PALM2AKAP2: variants seen among roughly 807,000 people sequenced by gnomAD.
The protein encoded by PALM2AKAP2 is PALM2 and AKAP2 fusion.
In PALM2AKAP2, 37 loss-of-function variants were observed where a neutral mutation model predicts 71.5. That is an observed-to-expected ratio of 0.52 (90% CI 0.40 to 0.68). The LOEUF (loss-of-function observed/expected upper bound fraction) is 0.68. PALM2AKAP2 is among the 30% of genes least tolerant of loss of function. The pLI is 0.00. For synonymous variants in PALM2AKAP2, 468 were observed against 478.8 expected (o/e 0.98, Z 0.29); for missense variants, 1,224 against 1,191.8 (o/e 1.03, Z -0.40).
At chr9:109,904,772 G>A (rs1460976109) in intron 3 of PALM2AKAP2, among the ~76,000 whole-genome samples, 1 of 152,168 alleles carries the variant, frequency 6.6e-6, no homozygotes, top group Non-Finnish European at 1.5e-5. Flanking sequence ...TTATTCTGGA[G>A]CACGATGTAC....
intron 1 of PALM2AKAP2, among the ~76,000 whole-genome samples, chr9:110,111,083 C>CT (rs1835238688): frequency 3.8e-5 from 4 of 104,220 alleles, no homozygotes; most frequent in Non-Finnish European, 8.0e-5. Flanking sequence ...TTCTTTCTTT[C>CT]TTCTTTTTTT....
At chr9:110,147,555 C>T (rs937432266) in intron 2 of PALM2AKAP2, among the ~76,000 whole-genome samples, 4 of 152,172 alleles carry the variant, frequency 2.6e-5, no homozygotes, top group East Asian at 1.9e-4. Context: ...AGAGGCTGAT[C>T]GCTTGAGACC....
At chr9:109,908,922 A>G (rs1830509348) in intron 3 of PALM2AKAP2, among the ~76,000 whole-genome samples, 1 of 152,096 alleles carries the variant, frequency 6.6e-6, no homozygotes, top group African/African-American at 2.4e-5. Context: ...GGGATTTGGA[A>G]GAGAGGAATG....
At chr9:109,677,094 A>G (rs1187605641) in intron 1 of PALM2AKAP2, among the ~76,000 whole-genome samples, 1 of 152,214 alleles carries the variant, frequency 6.6e-6, no homozygotes, top group Non-Finnish European at 1.5e-5. Context: ...AAGGTTATGC[A>G]GGATCAAGGG....
intron 2 of PALM2AKAP2, among the ~76,000 whole-genome samples, chr9:109,871,553 C>T (rs1829602861): frequency 6.6e-6 from 1 of 152,070 alleles, no homozygotes; most frequent in East Asian, 1.9e-4. Context: ...AAAGAAAAAA[C>T]ATATGTACTC....
intron 3 of PALM2AKAP2, among the ~76,000 whole-genome samples, chr9:109,883,031 G>A (rs1469190179): frequency 6.6e-6 from 1 of 152,130 alleles, no homozygotes; most frequent in Non-Finnish European, 1.5e-5. Context: ...ATGCAAATAT[G>A]TTGTTATTAT....
chr9:109,857,014 C>T (rs947333031), intron 1 of PALM2AKAP2, among the ~76,000 whole-genome samples: 2 of 152,280 alleles, frequency 1.3e-5, no homozygotes, highest in Middle Eastern at 3.4e-3. Context: ...CTGAGAACTG[C>T]GAGCAGCCAA....
At chr9:109,846,896 G>A (rs555826668) in intron 1 of PALM2AKAP2, among the ~76,000 whole-genome samples, 2 of 152,280 alleles carry the variant, frequency 1.3e-5, no homozygotes, top group Non-Finnish European at 2.9e-5. Flanking sequence ...TATAGTCTCT[G>A]TTGAATGTTG....
chr9:109,931,233 G>A (rs921785075), intron 5 of PALM2AKAP2, among the ~76,000 whole-genome samples: 3 of 152,130 alleles, frequency 2.0e-5, no homozygotes, highest in Non-Finnish European at 4.4e-5. Context: ...GAGGCTTGTC[G>A]AGGTATTTGC....
At chr9:109,989,860 A>G (rs552422905) in intron 6 of PALM2AKAP2, among the ~76,000 whole-genome samples, 2 of 152,308 alleles carry the variant, frequency 1.3e-5, no homozygotes, top group Non-Finnish European at 2.9e-5. Context: ...TCACATCTCA[A>G]TATGTCCCTA....
chr9:109,803,318 C>CAT (rs753549187), intron 1 of PALM2AKAP2, among the ~76,000 whole-genome samples: 112 of 152,250 alleles, frequency 7.4e-4, no homozygotes, highest in South Asian at 1.7e-3. Context: ...AGGGGATAGC[C>CAT]ATGTGTTGGC....
At chr9:109,810,547 G>A (rs1827702592) in intron 1 of PALM2AKAP2, among the ~76,000 whole-genome samples, 1 of 152,154 alleles carries the variant, frequency 6.6e-6, no homozygotes, top group South Asian at 2.1e-4. Flanking sequence ...CTGTTTAGAT[G>A]GAGAGGTGGA....
chr9:109,918,105 A>G (rs971487008), intron 3 of PALM2AKAP2, among the ~76,000 whole-genome samples: 16 of 152,236 alleles, frequency 1.1e-4, no homozygotes, highest in African/African-American at 3.9e-4. Context: ...TTATGTGTTC[A>G]CATGGCTGTT....
intron 1 of PALM2AKAP2, among the ~76,000 whole-genome samples, chr9:109,844,564 G>A (rs1828797894): frequency 6.6e-6 from 1 of 152,198 alleles, no homozygotes; most frequent in African/African-American, 2.4e-5. Flanking sequence ...TAGATGGAGA[G>A]TTTCTGCACT....
At chr9:109,964,421 G>T (rs1010851839) in intron 6 of PALM2AKAP2, among the ~76,000 whole-genome samples, 1 of 152,376 alleles carries the variant, frequency 6.6e-6, no homozygotes, top group African/African-American at 2.4e-5. Context: ...TATTGCAGGA[G>T]ACCAGCTGGG....
At chr9:110,019,161 A>G (rs970604723) in intron 7 of PALM2AKAP2, among the ~76,000 whole-genome samples, 1 of 151,114 alleles carries the variant, frequency 6.6e-6, no homozygotes, top group East Asian at 1.9e-4. Flanking sequence ...AATCACTTGA[A>G]CCAGGGAGGC....
intron 1 of PALM2AKAP2, among the ~76,000 whole-genome samples, chr9:110,134,949 A>G (rs1202080413): frequency 6.6e-6 from 1 of 151,606 alleles, no homozygotes; most frequent in Admixed American, 6.6e-5. Flanking sequence ...AAAGAAAATC[A>G]TCTTATAATT....
At chr9:109,741,151 T>C (rs185243493) in intron 1 of PALM2AKAP2, among the ~76,000 whole-genome samples, 169 of 152,286 alleles carry the variant, frequency 1.1e-3, no homozygotes, top group African/African-American at 3.2e-3. Flanking sequence ...CTCCACCTGC[T>C]CCCAGCCCAG....
chr9:109,746,803 AC>A (rs1828808883), intron 1 of PALM2AKAP2, among the ~76,000 whole-genome samples: 1 of 152,236 alleles, frequency 6.6e-6, no homozygotes, highest in Admixed American at 6.5e-5. Flanking sequence ...AGACTAAGAA[AC>A]TTGCCCAAAG....
Sources: allele counts gnomAD v4.1 joint callset (sites outside exome capture counted in the v4.1 genomes callset), GRCh38; gene constraint gnomAD v4.1.1; transcripts MANE v1.5; gene names NCBI Gene and HGNC (gene_info 2026-07-23, HGNC 2026-07-21).